Variants in PALLD observed in about 807,000 individuals in gnomAD.
PALLD encodes the protein palladin, cytoskeletal associated protein.
Under a neutral mutation model 123.5 loss-of-function variants are expected in PALLD, and 61 were observed. The ratio of observed to expected loss-of-function variants is 0.49; its 90% CI spans 0.40 to 0.61. The LOEUF (loss-of-function observed/expected upper bound fraction) is 0.61. Ranked by LOEUF, PALLD falls within the 20% of genes least tolerant of loss-of-function variation. The pLI, the probability that PALLD is intolerant of heterozygous loss-of-function variation, is 0.00. For synonymous variants in PALLD, 465 were observed against 496.4 expected (o/e 0.94, Z 0.84); for missense variants, 1,273 against 1,377.0 (o/e 0.92, Z 1.20).
chr4:168,916,348 C>T (rs1311451712), intron 17 of PALLD, among the ~76,000 whole-genome samples: 1 of 151,924 alleles, frequency 6.6e-6, no homozygotes, highest in Non-Finnish European at 1.5e-5. Flanking sequence ...GGAGCTGAAG[C>T]TATGTGAGCT....
intron 3 of PALLD, among the ~76,000 whole-genome samples, chr4:168,669,800 G>GCACACACACACACACACACACA (rs10637670): frequency 6.1e-5 from 9 of 147,932 alleles, no homozygotes; most frequent in African/African-American, 2.0e-4. Context: ...CTTACAAAAT[G>GCACACACACACACACACACACA]CACACACACA....
intron 10 of PALLD, among the ~76,000 whole-genome samples, chr4:168,735,942 C>T (rs768405771): frequency 1.1e-4 from 17 of 152,198 alleles, no homozygotes; most frequent in Non-Finnish European, 2.5e-4. Flanking sequence ...AATAGCTGGG[C>T]ACTTGACTAA....
intron 3 of PALLD, among the ~76,000 whole-genome samples, chr4:168,670,703 G>A (rs1161707239): frequency 3.6e-5 from 5 of 139,180 alleles, no homozygotes; most frequent in Non-Finnish European, 6.0e-5. Context: ...ACTGCAGTCC[G>A]CAGTCTGGCC....
chr4:168,903,936 T>A (rs1757083382), intron 15 of PALLD, 30 bp downstream of exon 15: 1 of 1,602,836 alleles, frequency 6.2e-7, no homozygotes, highest in African/African-American at 1.3e-5. Flanking sequence ...TGGGCTCAGT[T>A]CTGTGTCTAG....
At chr4:168,730,608 GT>G (rs1581182114) in intron 10 of PALLD, among the ~76,000 whole-genome samples, 1 of 152,108 alleles carries the variant, frequency 6.6e-6, no homozygotes, top group East Asian at 1.9e-4. Flanking sequence ...TAGCTAGAAT[GT>G]GTCAATGGGC....
chr4:168,848,978 G>A (rs1472002088), intron 10 of PALLD, among the ~76,000 whole-genome samples: 1 of 152,266 alleles, frequency 6.6e-6, no homozygotes, highest in Admixed American at 6.5e-5. Flanking sequence ...ATGAGAGGGG[G>A]TTATTTTGTA....
chr4:168,854,319 G>A (rs778671625), intron 10 of PALLD, among the ~76,000 whole-genome samples: 29 of 152,172 alleles, frequency 1.9e-4, no homozygotes, highest in Non-Finnish European at 2.2e-4. Flanking sequence ...GGACAAGCTG[G>A]TCAGGGATGG....
intron 2 of PALLD, among the ~76,000 whole-genome samples, chr4:168,545,690 G>A (rs1766071966): frequency 6.6e-6 from 1 of 151,988 alleles, no homozygotes; most frequent in African/African-American, 2.4e-5. Context: ...TTCCAGTTGT[G>A]TGACTATTGC....
chr4:168,854,547 C>A (rs780271364), intron 10 of PALLD, among the ~76,000 whole-genome samples: 1 of 152,138 alleles, frequency 6.6e-6, no homozygotes, highest in African/African-American at 2.4e-5. Flanking sequence ...AGAGAACAGC[C>A]GTGCAGCTGT....
intron 10 of PALLD, among the ~76,000 whole-genome samples, chr4:168,811,056 G>A (rs926012311): frequency 6.6e-6 from 1 of 152,182 alleles, no homozygotes; most frequent in Non-Finnish European, 1.5e-5. Flanking sequence ...GATGTTGAAA[G>A]ACATGAGATT....
At chr4:168,814,819 G>A (rs1293985683) in intron 10 of PALLD, among the ~76,000 whole-genome samples, 1 of 152,228 alleles carries the variant, frequency 6.6e-6, no homozygotes, top group Non-Finnish European at 1.5e-5. Context: ...CACCCAGGCT[G>A]TAGTGCAGTG....
intron 10 of PALLD, among the ~76,000 whole-genome samples, chr4:168,715,411 A>G (rs1374951661): frequency 6.6e-6 from 1 of 152,358 alleles, no homozygotes; most frequent in East Asian, 1.9e-4. Context: ...AAAAATTAAT[A>G]GCATTATTTC....
At chr4:168,578,843 G>T (rs1769929902) in intron 2 of PALLD, among the ~76,000 whole-genome samples, 1 of 151,962 alleles carries the variant, frequency 6.6e-6, no homozygotes, top group Admixed American at 6.6e-5. Context: ...AAAGTTATTT[G>T]TGTTTTTAAA....
chr4:168,898,466 T>C, intron 13 of PALLD, 27 bp from the exon 14 acceptor site: 1 of 1,460,804 alleles, frequency 6.8e-7, no homozygotes, highest in Non-Finnish European at 9.6e-7. Context: ...GGATTGAGTC[T>C]GCTAACTTAA....
At chr4:168,650,378 T>C (rs548886748) in intron 2 of PALLD, among the ~76,000 whole-genome samples, 1 of 152,280 alleles carries the variant, frequency 6.6e-6, no homozygotes, top group South Asian at 2.1e-4. Flanking sequence ...AGAATAGAAG[T>C]CTACAGTTAG....
chr4:168,916,912 G>A (rs1164798460), intron 17 of PALLD, among the ~76,000 whole-genome samples: 3 of 151,578 alleles, frequency 2.0e-5, no homozygotes, highest in Admixed American at 6.6e-5. Flanking sequence ...TTCATGATCC[G>A]CCCACCTCAG....
intron 2 of PALLD, chr4:168,598,650 A>G (rs1772235773): frequency 3.1e-6 from 1 of 324,988 alleles, no homozygotes; most frequent in Non-Finnish European, 6.2e-6. Context: ...TTAGTTACGG[A>G]ACTCTGAAGC....
chr4:168,736,271 C>T (rs1036812812), intron 10 of PALLD, among the ~76,000 whole-genome samples: 2 of 152,206 alleles, frequency 1.3e-5, no homozygotes, highest in Admixed American at 1.3e-4. Context: ...GAAAGCATCA[C>T]ACATGCATGT....
chr4:168,683,102 A>C lies in PALLD; in HGVS notation c.1259A>C (p.Gln420Pro). 2 of 1,585,400 alleles carry C rather than the reference A, an allele frequency of 1.3e-6. No individual in the cohort carries two copies. The highest frequency in any genetic ancestry group is 1.7e-6 in the Non-Finnish European group (2 of 1,154,134). Residue 420 changes from glutamine (Q) to proline (P), a missense_variant and splice_region_variant, in exon 5 of 22, where the codon CAG becomes CCG. By Grantham distance (76) the Gln-to-Pro change is moderately conservative. This residue lies in a region of PALLD where 944 missense variants were observed against 954.5 expected (regional missense o/e 0.99). Coordinates refer to ENST00000505667, the MANE Select transcript of PALLD (RefSeq NM_001166108.2). ...CAACCACTGTCTGTCCCTGTGCAAC[A>C]GGTAAGTATGCTTTGAGCCAGAGCC... The part of the protein sequence containing the change: ...VIQPLSVPVQ[Q>P]VHSPTSYLCR...
Sources: allele counts gnomAD v4.1 joint callset (sites outside exome capture counted in the v4.1 genomes callset), GRCh38; gene constraint gnomAD v4.1.1; regional missense constraint gnomAD v4.1.1; transcripts MANE v1.5; gene names NCBI Gene and HGNC (gene_info 2026-07-23, HGNC 2026-07-21).